RABL2B: variants seen among roughly 807,000 people sequenced by gnomAD.
The protein encoded by RABL2B is rab-like protein 2B.
A neutral mutation model predicts 26.7 loss-of-function variants in RABL2B; 17 were observed. The ratio of observed to expected loss-of-function variants is 0.64; its 90% CI spans 0.44 to 0.95. RABL2B has a LOEUF of 0.95. Among genes scored for constraint, RABL2B ranks in the 40% least tolerant of loss-of-function variants. The pLI, the probability that RABL2B is intolerant of heterozygous loss-of-function variation, is 0.00. For missense variants in RABL2B, 170 were observed against 277.2 expected (o/e 0.61, Z 2.75); for synonymous variants, 70 against 103.9 (o/e 0.67, Z 1.99).
intron 5 of RABL2B, chr22:50,770,264 C>T (rs1308717158): frequency 2.0e-6 from 1 of 491,812 alleles, no homozygotes; most frequent in South Asian, 2.1e-5. Flanking sequence ...ACCTGTAATC[C>T]CAGCACTTTG....
intron 5 of RABL2B, among the ~76,000 whole-genome samples, chr22:50,773,334 G>A (rs1448696942): frequency 6.6e-6 from 1 of 152,216 alleles, no homozygotes; most frequent in Non-Finnish European, 1.5e-5. Flanking sequence ...GCAGTCGGGG[G>A]AATTAGGTGA....
At position 50,769,927 on chromosome 22, in the gene RABL2B, G is replaced by T. The variant is rs782417418; in HGVS notation, c.387C>A (p.Ile129=). The change falls in exon 6 of 9, where the codon ATC becomes ATA. Residue 129 remains isoleucine, a synonymous_variant. Coordinates refer to ENST00000691320, the MANE Select transcript of RABL2B (RefSeq NM_001130919.3). ...CACCATCAATTTTATTGGCCACCAC[G>T]ATGCATGGGATCTCTGGCCTGAACT... The part of the protein sequence containing the change: ...LREFRPEIPC[I]VVANKIDADI... 1.2e-6 allele frequency: 2 copies of T among 1,613,658 alleles called. No individual in the cohort carries two copies. Among genetic ancestry groups the T allele is most frequent in the Non-Finnish European group, 1.7e-6 (2 of 1,179,802 alleles).
At chr22:50,771,075 C>G (rs1385662267) in intron 5 of RABL2B, 4 of 150,156 alleles carry the variant, frequency 2.7e-5, no homozygotes, top group African/African-American at 7.5e-5. Context: ...CGGAGTCTCA[C>G]TCTGTTACCC....
Position 50,768,344 on chromosome 22 carries a change from G to GT in RABL2B, c.*431dup, listed in dbSNP as rs1308361409. 2 of 247,304 alleles carry GT rather than the reference G, an allele frequency of 8.1e-6. No individual in the cohort carries two copies. Among genetic ancestry groups the GT allele is most frequent in the African/African-American group, 5.1e-5 (2 of 39,588 alleles). The allele number at this position is 247,304 out of a possible 1,614,324, so 15.3% of individuals were successfully genotyped here. A position where few individuals can be genotyped will look rare whatever the true frequency, so the allele number is the denominator to read the frequency against. On this transcript the variant is annotated 3_prime_UTR_variant, in exon 9 of 9. Transcript: ENST00000691320. ...TGGGGCCTCACAGACTCAGCTGTGGGTGGGGGGGTAAATCATTACCTCAGG... is the reference window on the plus strand; with the variant it reads ...TGGGGCCTCACAGACTCAGCTGTGGGTTGGGGGGGTAAATCATTACCTCAGG...
At chr22:50,776,373 C>G (rs2084982654) in intron 4 of RABL2B, among the ~76,000 whole-genome samples, 1 of 152,216 alleles carries the variant, frequency 6.6e-6, no homozygotes, top group African/African-American at 2.4e-5. Flanking sequence ...CGTCGAAGGC[C>G]TCTTACGTTC....
intron 4 of RABL2B, among the ~76,000 whole-genome samples, chr22:50,776,435 T>C (rs1202601446): frequency 2.6e-5 from 4 of 152,236 alleles, no homozygotes; most frequent in African/African-American, 4.8e-5. Context: ...CTGAACCCTG[T>C]CCTGCACAGG....
intron 3 of RABL2B, 111 bp downstream of exon 3, chr22:50,777,841 C>T: frequency 1.3e-6 from 2 of 1,561,780 alleles, no homozygotes; most frequent in Non-Finnish European, 1.8e-6. Context: ...CGTTCACTTA[C>T]CCAATCCTCC....
At chr22:50,782,508 CAAT>C (rs1415608381) in intron 1 of RABL2B, among the ~76,000 whole-genome samples, 161 bp from the exon 2 acceptor site, 2 of 152,260 alleles carry the variant, frequency 1.3e-5, no homozygotes, top group Non-Finnish European at 2.9e-5. Flanking sequence ...ACACAGGCAT[CAAT>C]AATATGTTAT....
At chr22:50,773,554 A>G (rs1325344978) in intron 5 of RABL2B, among the ~76,000 whole-genome samples, 2 of 151,540 alleles carry the variant, frequency 1.3e-5, no homozygotes, top group African/African-American at 4.9e-5. Context: ...CACACACGAA[A>G]GAGCTAAGCT....
intron 2 of RABL2B, among the ~76,000 whole-genome samples, chr22:50,780,361 C>A (rs1445799786): frequency 6.6e-6 from 1 of 151,294 alleles, no homozygotes; most frequent in Non-Finnish European, 1.5e-5. Context: ...CCGTGTACAA[C>A]TGACGCCCTT....
chr22:50,772,376 A>G, intron 5 of RABL2B: 1 of 985,586 alleles, frequency 1.0e-6, no homozygotes, highest in Non-Finnish European at 1.2e-6. Context: ...AGCACTGCAA[A>G]CCAGCTCTTA....
At chr22:50,781,414 G>GAGAGAGAGAGAGAC (rs1329689629) in intron 2 of RABL2B, among the ~76,000 whole-genome samples, 1 of 150,584 alleles carries the variant, frequency 6.6e-6, no homozygotes, top group Non-Finnish European at 1.5e-5. Flanking sequence ...GAGAGAGAGA[G>GAGAGAGAGAGAGAC]AGAGAGAGAC....
At chr22:50,772,841 T>A (rs1555919892) in intron 5 of RABL2B, 1 of 1,175,026 alleles carries the variant, frequency 8.5e-7, no homozygotes. Context: ...TTCCTTGTTT[T>A]GAGAGCTGAG....
chr22:50,777,050 T>C (rs1414291475), intron 3 of RABL2B, among the ~76,000 whole-genome samples: 1 of 151,948 alleles, frequency 6.6e-6, no homozygotes, highest in Non-Finnish European at 1.5e-5. Context: ...AGTTGGAAAA[T>C]GCAAATGTGG....
intron 5 of RABL2B, among the ~76,000 whole-genome samples, chr22:50,770,851 A>G (rs9616965): frequency 0.064 from 9,589 of 149,566 alleles, 280 homozygotes; most frequent in African/African-American, 0.077. Flanking sequence ...CCTGGGCTCA[A>G]GGAATCCTCC....
Position 50,770,022 on chromosome 22 carries a change from A to G in RABL2B, c.298-6T>C. On this transcript the variant is annotated splice_polypyrimidine_tract_variant and splice_region_variant and intron_variant, in intron 5 of 8. Transcript: ENST00000691320. ...TTCCTCTGTACATCAAACACCTGCA[A>G]AGGGCAGAGGAAGAAAGATAGCTCA... The G allele has an allele frequency of 5.0e-6, 8 of 1,613,850 alleles. No individual in the cohort carries two copies. Among genetic ancestry groups the G allele is most frequent in the Non-Finnish European group, 6.8e-6 (8 of 1,179,838 alleles).
At chr22:50,769,387 T>TCTCTTCA (rs2083796648) in intron 7 of RABL2B, 68 bp downstream of exon 7, 1 of 1,611,620 alleles carries the variant, frequency 6.2e-7, no homozygotes, top group African/African-American at 1.3e-5. Context: ...AGTAAGCCCT[T>TCTCTTCA]CTCTTCACAG....
chr22:50,772,842 G>C lies in RABL2B; in HGVS notation c.298-2826C>G. The C allele has an allele frequency of 3.4e-6, 4 of 1,173,800 alleles. No homozygotes were observed. In the South Asian group the frequency reaches 6.9e-5, roughly 20 times the overall value. The allele number at this position is 1,173,800 out of a possible 1,614,324, so 72.7% of individuals were successfully genotyped here. ...TTCCTGAGCATCTGTTCCTTGTTTT[G>C]AGAGCTGAGGAGGAGCTGGCTAGAA... On this transcript the variant is annotated intron_variant, in intron 5 of 8. Coordinates refer to ENST00000691320, the MANE Select transcript of RABL2B (RefSeq NM_001130919.3).
chr22:50,770,385 C>A (rs540950893), intron 5 of RABL2B: 2 of 303,512 alleles, frequency 6.6e-6, no homozygotes. Flanking sequence ...GGCCTGGTGG[C>A]GCATGCCTGT....
Sources: allele counts gnomAD v4.1 joint callset (sites outside exome capture counted in the v4.1 genomes callset), GRCh38; gene constraint gnomAD v4.1.1; transcripts MANE v1.5; gene names NCBI Gene and HGNC (gene_info 2026-07-23, HGNC 2026-07-21).